The following MATN4 variants were observed in gnomAD, a reference collection of about 807,000 sequenced individuals.
The protein encoded by MATN4 is matrilin-4.
A neutral mutation model predicts 54.6 loss-of-function variants in MATN4; 40 were observed. That is an observed-to-expected ratio of 0.73 (90% CI 0.57 to 0.95). The LOEUF is 0.95. Among genes scored for constraint, MATN4 ranks in the 40% least tolerant of loss-of-function variants. MATN4 has a pLI of 0.00. For synonymous variants in MATN4, 351 were observed against 345.3 expected (o/e 1.02, Z -0.18); for missense variants, 810 against 819.1 (o/e 0.99, Z 0.13).
chr20:45,301,370 A>G lies in MATN4; in HGVS notation c.717T>C (p.Cys239=). The G allele has an allele frequency of 6.2e-7, 1 of 1,614,190 alleles. No homozygotes were observed. Among genetic ancestry groups the G allele is most frequent in the Non-Finnish European group, 8.5e-7 (1 of 1,180,028 alleles). Residue 239 remains cysteine, a synonymous_variant, in exon 4 of 10, where the codon TGT becomes TGC. Transcript: ENST00000372756. The part of the protein sequence containing the change: ...HCVNSPGSYF[C]HCQVGFVLQQ... ...GGAGTACAAAGCCAACTTGGCAGTG[A>G]CAGAAATAGGAGCCTGGGGAATTGA...
intron 1 of MATN4, chr20:45,307,062 C>T (rs762105607): frequency 5.0e-6 from 3 of 602,254 alleles, no homozygotes; most frequent in Non-Finnish European, 7.5e-6. Flanking sequence ...GGCAGCCCGC[C>T]GAACTGCAAA....
rs1415301393 is a variant in MATN4, at chr20:45,293,479, A to T, written c.*288T>A. ...AATCAGTTTTTTTTATTTTTTTAAG[A>T]ACACAAACAAGAAATCCAACAAAGA... On this transcript the variant is annotated 3_prime_UTR_variant, in exon 10 of 10. Transcript: ENST00000372756. 5.2e-6 allele frequency: 2 copies of T among 381,332 alleles called. No homozygotes were observed. The highest frequency in any genetic ancestry group is 9.3e-6 in the Non-Finnish European group (2 of 215,728). The allele number at this position is 381,332 out of a possible 1,614,324, so 23.6% of individuals were successfully genotyped here.
Position 45,298,852 on chromosome 20 carries a change from A to T in MATN4, c.1013-269T>A, listed in dbSNP as rs917314525. 1.3e-5 allele frequency among the ~76,000 whole-genome samples: 2 copies of T among 152,186 alleles called. No individual in the cohort carries two copies. The highest frequency in any genetic ancestry group is 4.8e-5 in the African/African-American group (2 of 41,442). On this transcript the variant is annotated intron_variant, in intron 6 of 9. Transcript: ENST00000372756. This position sits in a 1 kb window ranked among gnomAD's most constrained non-coding sequence, Gnocchi z 4.6. ...AAAGCATCTTTTTTTAACAACAATC[A>T]TAGTAATGACCACAATAACTACCAT...
chr20:45,293,696 G>T lies in MATN4; in HGVS notation c.*71C>A. 1 of 1,409,668 alleles carries T rather than the reference G, an allele frequency of 7.1e-7. No individual in the cohort carries two copies. Among genetic ancestry groups the T allele is most frequent in the Non-Finnish European group, 9.5e-7 (1 of 1,055,728 alleles). The allele number at this position is 1,409,668 out of a possible 1,614,324, so 87.3% of individuals were successfully genotyped here. A position where few individuals can be genotyped will look rare whatever the true frequency, so the allele number is the denominator to read the frequency against. On this transcript the variant is annotated 3_prime_UTR_variant, in exon 10 of 10. Transcript: ENST00000372756. Reference sequence around the variant, plus strand: ...GGCCCAGGTTCTGCCTGGCCCCGGCGCACCGATGGCGCGCAAGGGGCACCG... The same window carrying T: ...GGCCCAGGTTCTGCCTGGCCCCGGCTCACCGATGGCGCGCAAGGGGCACCG...
chr20:45,296,145 G>A (rs753770774), intron 8 of MATN4, among the ~76,000 whole-genome samples: 7 of 145,740 alleles, frequency 4.8e-5, no homozygotes, highest in Non-Finnish European at 8.9e-5. Flanking sequence ...AACCTGGCAG[G>A]CAGAGGTTGC....
At chr20:45,297,422 G>A (rs1461125656) in intron 8 of MATN4, among the ~76,000 whole-genome samples, 1 of 147,810 alleles carries the variant, frequency 6.8e-6, no homozygotes, top group Non-Finnish European at 1.5e-5. Flanking sequence ...CACTTATGAG[G>A]TATGTTGTCC....
chr20:45,298,408 C>A lies in MATN4; in HGVS notation c.1188G>T (p.Glu396Asp). 6.2e-7 allele frequency: 1 copy of A among 1,612,884 alleles called. No individual in the cohort carries two copies. Among genetic ancestry groups the A allele is most frequent in the Admixed American group, 1.7e-5 (1 of 59,938 alleles). Reference sequence around the variant, plus strand: ...CGGTGCCGTAGCGACCCAGAGGGAACTCGGTGCGCACGCGGCTCGAGAACT... The same window carrying A: ...CGGTGCCGTAGCGACCCAGAGGGAAATCGGTGCGCACGCGGCTCGAGAACT... ...LVQFSSRVRT[E>D]FPLGRYGTAA... Residue 396 changes from glutamate (E) to aspartate (D), a missense_variant, in exon 7 of 10, where the codon GAG becomes GAT. Glu to Asp is a conservative substitution (Grantham distance 45). Coordinates refer to ENST00000372756, the MANE Select transcript of MATN4 (RefSeq NM_001393530.1). The surrounding 1 kb of genome is among the most constrained non-coding windows in gnomAD (Gnocchi z 4.6).
chr20:45,293,514 A>C lies in MATN4; in HGVS notation c.*253T>G, dbSNP rs1264245635. The C allele has an allele frequency of 4.4e-6, 2 of 457,738 alleles. No homozygotes were observed. Among genetic ancestry groups the C allele is most frequent in the Non-Finnish European group, 7.6e-6 (2 of 261,560 alleles). The allele number at this position is 457,738 out of a possible 1,614,324, so 28.4% of individuals were successfully genotyped here. On this transcript the variant is annotated 3_prime_UTR_variant, in exon 10 of 10. Transcript: ENST00000372756. ...AGAAATCCAACAAAGAACTGAGCGC[A>C]GCACGCGGCGAGGGCGTGCCGGTCT...
At position 45,308,298 on chromosome 20, in the gene MATN4, C is replaced by T; in HGVS notation, c.-158G>A. ...GCCCTAGGTGGGGACTGCCAGGCAG[C>T]TGGAGCACACAGAGGCAACGGCCGC... is the stretch of plus-strand genomic sequence containing the variant. On this transcript the variant is annotated 5_prime_UTR_variant, in exon 1 of 10. Transcript: ENST00000372756. The T allele has an allele frequency of 7.8e-7, 1 of 1,290,246 alleles. No individual in the cohort carries two copies. The highest frequency in any genetic ancestry group is 1.5e-5 in the African/African-American group (1 of 68,506). 79.9% of individuals were successfully genotyped at this position (1,290,246 alleles called of 1,614,324 possible). A position where few individuals can be genotyped will look rare whatever the true frequency, so the allele number is the denominator to read the frequency against.
chr20:45,308,538 G>A (rs886109021), upstream of MATN4: 16 of 450,730 alleles, frequency 3.5e-5, no homozygotes, highest in East Asian at 3.5e-4. Flanking sequence ...CTCCACAGCC[G>A]GAATTCATTG....
At position 45,301,172 on chromosome 20, in the gene MATN4, G is replaced by T. The variant is rs771462029; in HGVS notation, c.819C>A (p.Ser273Arg). The T allele has an allele frequency of 9.9e-6, 16 of 1,614,182 alleles. No homozygotes were observed. The South Asian group carries it at 1.8e-4, about 18-fold the overall frequency. Residue 273 changes from serine (S) to arginine (R), a missense_variant, in exon 5 of 10, where the codon AGC (serine) becomes AGA (arginine). Transcript: ENST00000372756. ...AGTGGCACCGTGGCCCACCAGGGGT[G>T]CTAACACACTCATGCTGACAGCTAT... ...GNHSCQHECV[S>R]TPGGPRCHCR...
intron 6 of MATN4, among the ~76,000 whole-genome samples, chr20:45,299,649 G>T (rs999031215): frequency 6.6e-6 from 1 of 151,886 alleles, no homozygotes; most frequent in Admixed American, 6.6e-5. Context: ...AGGCTGAGGC[G>T]GGCAGATCAC....
At chr20:45,308,081 C>A in intron 1 of MATN4, 94 bp downstream of exon 1, 1 of 1,211,194 alleles carries the variant, frequency 8.3e-7, no homozygotes, top group Non-Finnish European at 1.2e-6. Context: ...ATAGGGCACC[C>A]TAGGCAGCGT....
chr20:45,308,260 G>A lies in MATN4; in HGVS notation c.-120C>T, dbSNP rs1343488138. 7.5e-6 allele frequency: 12 copies of A among 1,590,172 alleles called. No individual in the cohort carries two copies. The highest frequency in any genetic ancestry group is 1.7e-4 in the Middle Eastern group (1 of 6,004). On this transcript the variant is annotated 5_prime_UTR_variant, in exon 1 of 10. Transcript: ENST00000372756. ...CCGGGCACTTGGACCAGGTAACGGC[G>A]GCGTGGCAGCGTGCCCTAGGTGGGG...
intron 2 of MATN4, 93 bp downstream of exon 2, chr20:45,305,417 G>T: frequency 1.0e-6 from 1 of 965,734 alleles, no homozygotes; most frequent in Non-Finnish European, 1.6e-6. Flanking sequence ...CAAAGCCCTT[G>T]CTTCCCTCTC....
Position 45,304,249 on chromosome 20 carries a change from GC to G in MATN4, c.621del (p.Gln208SerfsTer106). On this transcript the variant is annotated frameshift_variant, in exon 3 of 10. Transcript: ENST00000372756. LOFTEE classifies it high-confidence loss of function. The stretch of plus-strand genomic sequence containing the variant: ...TCACCACACAGCCGGCTCTGGAACT[GC>G]AGGCCGAACTCCTGGATGAGGTCGA... The part of the protein sequence containing the change: ...ESFDLIQEFG[L>X]QFQSRLCAID... The G allele has an allele frequency of 6.5e-7, 1 of 1,532,830 alleles. No homozygotes were observed. Among genetic ancestry groups the G allele is most frequent in the Non-Finnish European group, 8.7e-7 (1 of 1,144,354 alleles). The allele number at this position is 1,532,830 out of a possible 1,614,324, so 95.0% of individuals were successfully genotyped here.
intron 8 of MATN4, among the ~76,000 whole-genome samples, chr20:45,295,667 A>G (rs1032779864): frequency 6.6e-6 from 1 of 151,980 alleles, no homozygotes; most frequent in African/African-American, 2.4e-5. Flanking sequence ...GATTACAGCC[A>G]TGAGCCATCA....
Position 45,298,747 on chromosome 20 carries a change from C to A in MATN4, c.1013-164G>T, listed in dbSNP as rs183924865. On this transcript the variant is annotated intron_variant, in intron 6 of 9. Coordinates refer to ENST00000372756, the MANE Select transcript of MATN4 (RefSeq NM_001393530.1). The surrounding 1 kb of genome is among the most constrained non-coding windows in gnomAD (Gnocchi z 4.6). ...GCTAAGTAATAATAATTATCACCAT[C>A]ATCATCACCATCACCATCATCATCA... 1.3e-5 allele frequency among the ~76,000 whole-genome samples: 2 copies of A among 152,274 alleles called. No homozygotes were observed. The highest frequency in any genetic ancestry group is 1.9e-4 in the East Asian group (1 of 5,192).
chr20:45,299,954 GGT>G (rs1447566267), intron 6 of MATN4, among the ~76,000 whole-genome samples: 1 of 111,258 alleles, frequency 9.0e-6, no homozygotes, highest in Non-Finnish European at 1.9e-5. Flanking sequence ...CAAGAAAATT[GGT>G]GTGTGTGGGT....
Sources: allele counts gnomAD v4.1 joint callset (sites outside exome capture counted in the v4.1 genomes callset), GRCh38; gene constraint gnomAD v4.1.1; non-coding constraint Gnocchi (gnomAD v3.1); transcripts MANE v1.5; gene names NCBI Gene and HGNC (gene_info 2026-07-23, HGNC 2026-07-21).